Variants in RC3H1 observed in about 807,000 individuals in gnomAD.
RC3H1 encodes ring finger and CCCH-type domains 1.
In RC3H1, 50 loss-of-function variants were observed where a neutral mutation model predicts 138.2. The ratio of observed to expected loss-of-function variants is 0.36; its 90% CI spans 0.29 to 0.46. The LOEUF is 0.46. Among genes scored for constraint, RC3H1 ranks in the 20% least tolerant of loss-of-function variants. The pLI is 1.00. For missense variants in RC3H1, 1,031 were observed against 1,388.1 expected (o/e 0.74, Z 4.09); for synonymous variants, 462 against 489.1 (o/e 0.94, Z 0.73).
chr1:173,989,718 T>TG (rs1557946056), intron 2 of RC3H1, among the ~76,000 whole-genome samples: 1 of 135,236 alleles, frequency 7.4e-6, no homozygotes, highest in African/African-American at 2.8e-5. Flanking sequence ...AAGTTTTTTT[T>TG]TTTTTTTTTT....
rs1397750402 is a variant in RC3H1, at chr1:174,022,081, C to A, written c.-151+15G>T. On this transcript the variant is annotated intron_variant, in intron 1 of 19. Transcript: ENST00000367696. This position sits in a 1 kb window ranked among gnomAD's most constrained non-coding sequence, Gnocchi z 4.2. ...GCAGCCCCGCTCCCCAAGTCGCCGC[C>A]CGCCGCTCGCTCACCGCGCTGGTCC... The A allele has an allele frequency of 7.6e-6, 3 of 396,946 alleles. No homozygotes were observed. 24.6% of individuals were successfully genotyped at this position (396,946 alleles called of 1,614,324 possible).
chr1:174,013,168 G>C (rs897480495), intron 1 of RC3H1, among the ~76,000 whole-genome samples: 28 of 151,830 alleles, frequency 1.8e-4, no homozygotes, highest in African/African-American at 6.8e-4. Context: ...ACCAATTGAG[G>C]GTTGCTGATA....
intron 9 of RC3H1, among the ~76,000 whole-genome samples, chr1:173,966,605 C>T (rs1184592697): frequency 1.3e-5 from 2 of 151,968 alleles, no homozygotes; most frequent in African/African-American, 2.4e-5. Context: ...GTCCCAGCTA[C>T]TCAGGAGGCT....
At chr1:173,966,721 CAAAAA>C (rs1214950103) in intron 9 of RC3H1, among the ~76,000 whole-genome samples, 2 of 136,858 alleles carry the variant, frequency 1.5e-5, no homozygotes, top group Non-Finnish European at 3.2e-5. Context: ...TCTCAAAAAA[CAAAAA>C]AAAAAAGTAA....
intron 5 of RC3H1, 104 bp downstream of exon 5, chr1:173,982,623 T>C: frequency 1.0e-6 from 1 of 988,536 alleles, no homozygotes; most frequent in South Asian, 2.1e-5. Flanking sequence ...GCTGAGATTT[T>C]CTGAAAAGAT....
At chr1:173,971,191 ACCTCAAATGATCCGCCTG>A (rs1487913820) in intron 8 of RC3H1, among the ~76,000 whole-genome samples, 1 of 151,922 alleles carries the variant, frequency 6.6e-6, no homozygotes, top group Non-Finnish European at 1.5e-5. Flanking sequence ...CAAACTCCTG[ACCTCAAATGATCCGCCTG>A]CCTCAGCCTC....
chr1:173,961,575 A>T, intron 12 of RC3H1, 150 bp downstream of exon 12: 1 of 800,742 alleles, frequency 1.2e-6, no homozygotes, highest in Non-Finnish European at 1.9e-6. Flanking sequence ...AAAAAAAAAA[A>T]TACCCAAATT....
chr1:174,013,666 G>A (rs987797370), intron 1 of RC3H1, among the ~76,000 whole-genome samples: 6 of 151,970 alleles, frequency 3.9e-5, no homozygotes, highest in South Asian at 2.1e-4. Flanking sequence ...GGTCTTGATC[G>A]CCTGACCTCG....
At chr1:173,965,916 G>C (rs1230401846) in intron 9 of RC3H1, among the ~76,000 whole-genome samples, 1 of 152,058 alleles carries the variant, frequency 6.6e-6, no homozygotes, top group Non-Finnish European at 1.5e-5. Context: ...TGAAGCGGGC[G>C]AATCACTTGA....
At chr1:173,939,124 T>C (rs914450500) in intron 19 of RC3H1, among the ~76,000 whole-genome samples, 7 of 152,264 alleles carry the variant, frequency 4.6e-5, no homozygotes, top group African/African-American at 2.4e-5. Context: ...TTTAACGTAT[T>C]ATCCACTGCT....
chr1:173,967,015 G>GT (rs1013759990), intron 9 of RC3H1, among the ~76,000 whole-genome samples: 11 of 151,552 alleles, frequency 7.3e-5, no homozygotes, highest in East Asian at 1.9e-4. Context: ...GGCTGGTTGG[G>GT]TTTTTTTTGG....
Position 173,977,170 on chromosome 1 carries a change from C to T in RC3H1, c.1102+1318G>A, listed in dbSNP as rs541886954. ...CGATCTCCTGACCTCGTGATCCGCCCGCCTCGGCCTCCCAAAGTGCTGGGA... is the reference window on the plus strand; with the variant it reads ...CGATCTCCTGACCTCGTGATCCGCCTGCCTCGGCCTCCCAAAGTGCTGGGA... On this transcript the variant is annotated intron_variant, in intron 7 of 19. Transcript: ENST00000367696. Among the ~76,000 whole-genome samples, 176 of 152,000 alleles carry T rather than the reference C, an allele frequency of 1.2e-3. 1 individual carries two copies. Among genetic ancestry groups the T allele is most frequent in the African/African-American group, 4.1e-3 (172 of 41,490 alleles).
chr1:173,989,787 C>T (rs1230446183), intron 2 of RC3H1, among the ~76,000 whole-genome samples: 11 of 132,540 alleles, frequency 8.3e-5, no homozygotes, highest in South Asian at 4.7e-4. Context: ...ACTGCAGTGG[C>T]GCAATCTCGG....
chr1:174,002,875 C>T (rs1661585852), intron 1 of RC3H1, among the ~76,000 whole-genome samples: 1 of 152,078 alleles, frequency 6.6e-6, no homozygotes, highest in Admixed American at 6.6e-5. Context: ...GTTCTCTTCC[C>T]TAGAAAGTTT....
chr1:173,956,130 C>CA (rs552947734), intron 13 of RC3H1, among the ~76,000 whole-genome samples: 31,874 of 85,850 alleles, frequency 0.37, 7,221 homozygotes, highest in African/African-American at 0.68. Context: ...GAGTCTGTCT[C>CA]AAAAAAAAAA....
intron 1 of RC3H1, among the ~76,000 whole-genome samples, chr1:174,002,245 G>C (rs989329753): frequency 7.9e-5 from 12 of 152,152 alleles, no homozygotes; most frequent in Middle Eastern, 3.4e-3. Flanking sequence ...CTGCAATAAT[G>C]GTTCATTTTT....
rs571560320 is a variant in RC3H1 at position 173,938,826 on chromosome 1, G to A, written c.3297C>T (p.Leu1099=). ...TCAGAGAGCTGGTCTTGTTTGATAGGAGGCTGATATTCTCTTGTGTCAAGG... is the reference window on the plus strand; with the variant it reads ...TCAGAGAGCTGGTCTTGTTTGATAGAAGGCTGATATTCTCTTGTGTCAAGG... The part of the protein sequence containing the change: ...GSALTQENIS[L]LSNKTSSLNL... Residue 1099 remains leucine (L), a synonymous_variant, in exon 20 of 20, where the codon CTC becomes CTT. Transcript: ENST00000367696. 7 of 1,613,564 alleles carry A rather than the reference G, an allele frequency of 4.3e-6. No homozygotes were observed. In the South Asian group the frequency reaches 6.6e-5, roughly 15 times the overall value.
At chr1:174,001,753 G>A (rs576357955) in intron 1 of RC3H1, among the ~76,000 whole-genome samples, 5 of 152,126 alleles carry the variant, frequency 3.3e-5, no homozygotes, top group Non-Finnish European at 7.3e-5. Flanking sequence ...TTTAAAGGTA[G>A]TAGAAAGGAA....
At chr1:173,964,736 T>G in intron 10 of RC3H1, 103 bp downstream of exon 10, 2 of 1,174,482 alleles carry the variant, frequency 1.7e-6, no homozygotes, top group Non-Finnish European at 2.4e-6. Flanking sequence ...CCAAAAAAAA[T>G]AATCAGGGTT....
Sources: allele counts gnomAD v4.1 joint callset (sites outside exome capture counted in the v4.1 genomes callset), GRCh38; gene constraint gnomAD v4.1.1; non-coding constraint Gnocchi (gnomAD v3.1); transcripts MANE v1.5; gene names NCBI Gene and HGNC (gene_info 2026-07-23, HGNC 2026-07-21).